Variants in SLC1A2 observed in about 807,000 individuals in gnomAD.
The protein encoded by SLC1A2 is excitatory amino acid transporter 2.
A neutral mutation model predicts 48.8 loss-of-function variants in SLC1A2; 15 were observed. The ratio of observed to expected loss-of-function variants is 0.31; its 90% confidence interval spans 0.21 to 0.47. The LOEUF (loss-of-function observed/expected upper bound fraction) is 0.47, where lower values mean the gene tolerates loss of function less well. Among genes scored for constraint, SLC1A2 ranks in the 20% least tolerant of loss-of-function variants. The probability of loss-of-function intolerance (pLI) is 0.99; values close to 1 mark genes in which losing one functional copy is unlikely to be tolerated. For synonymous variants in SLC1A2, 279 were observed against 272.6 expected (o/e 1.02, Z -0.23); for missense variants, 502 against 730.5 (o/e 0.69, Z 3.61).
At chr11:35,267,611 A>G (rs1294780515) in intron 9 of SLC1A2, among the ~76,000 whole-genome samples, 1 of 152,184 alleles carries the variant, frequency 6.6e-6, no homozygotes, top group Non-Finnish European at 1.5e-5. Context: ...TTCCTATGGC[A>G]ACGCTCCCAA....
At chr11:35,284,054 T>G (rs1262497619) in intron 8 of SLC1A2, among the ~76,000 whole-genome samples, 1 of 143,424 alleles carries the variant, frequency 7.0e-6, no homozygotes, top group Non-Finnish European at 1.5e-5. Context: ...TCCCTTATAG[T>G]ATATAATTCA....
intron 4 of SLC1A2, among the ~76,000 whole-genome samples, chr11:35,306,844 T>C (rs1178000673): frequency 6.6e-6 from 1 of 152,268 alleles, no homozygotes; most frequent in Non-Finnish European, 1.5e-5. Context: ...GTCTTATCCA[T>C]GTTGCTTCAA....
intron 1 of SLC1A2, among the ~76,000 whole-genome samples, chr11:35,370,652 C>T (rs549868075): frequency 2.0e-5 from 3 of 152,146 alleles, no homozygotes; most frequent in Admixed American, 2.0e-4. Context: ...CAGCTCCCAC[C>T]CAGAGCTAAG....
chr11:35,256,249 A>C lies in SLC1A2; in HGVS notation c.*4645T>G, dbSNP rs1231616447. 6.6e-6 allele frequency: 1 copy of C among 152,238 alleles called. No individual in the cohort carries two copies. Among genetic ancestry groups the C allele is most frequent in the Non-Finnish European group, 1.5e-5 (1 of 68,028 alleles). 9.4% of individuals were successfully genotyped at this position (152,238 alleles called of 1,614,324 possible). On this transcript the variant is annotated 3_prime_UTR_variant, in exon 11 of 11. Coordinates refer to ENST00000278379, the MANE Select transcript of SLC1A2 (RefSeq NM_004171.4). Reference sequence around the variant, plus strand: ...GCCTGAATTAGCTGTGTTATGCTACAAAGTTGGATACTATTTAATCAAGAT... The same window carrying C: ...GCCTGAATTAGCTGTGTTATGCTACCAAGTTGGATACTATTTAATCAAGAT...
intron 4 of SLC1A2, among the ~76,000 whole-genome samples, chr11:35,308,733 T>G (rs1342944305): frequency 6.6e-6 from 1 of 152,194 alleles, no homozygotes; most frequent in Non-Finnish European, 1.5e-5. Context: ...AATTTCAGCA[T>G]GAATTTTGGA....
intron 1 of SLC1A2, among the ~76,000 whole-genome samples, chr11:35,355,117 T>G (rs1293772785): frequency 6.6e-6 from 1 of 152,228 alleles, no homozygotes; most frequent in African/African-American, 2.4e-5. Context: ...TAGAGCATGA[T>G]GTAAAAATTT....
At chr11:35,376,084 AT>A (rs1248575811) in intron 1 of SLC1A2, among the ~76,000 whole-genome samples, 3 of 152,084 alleles carry the variant, frequency 2.0e-5, no homozygotes, top group Non-Finnish European at 2.9e-5. Context: ...AAAAACTCCT[AT>A]TTGTCACTGG....
In SLC1A2 at chr11:35,372,971, A is replaced by C. The variant is rs557958747; in HGVS notation, c.17+45979T>G. Among the ~76,000 whole-genome samples the C allele has an allele frequency of 1.5e-4, 23 of 152,342 alleles. No homozygotes were observed. In the South Asian group the frequency reaches 4.8e-3, roughly 32 times the overall value. On this transcript the variant is annotated intron_variant, in intron 1 of 10. Coordinates refer to ENST00000278379, the MANE Select transcript of SLC1A2 (RefSeq NM_004171.4). ...GGTAACTTGCTCGAACTTGTTTAGC[A>C]CATGGTAGTTTGGGATGCAAGCCCA... is the stretch of plus-strand genomic sequence containing the variant.
At chr11:35,411,529 C>T (rs1360420966) in intron 1 of SLC1A2, among the ~76,000 whole-genome samples, 1 of 152,148 alleles carries the variant, frequency 6.6e-6, no homozygotes, top group African/African-American at 2.4e-5. Flanking sequence ...ATAGCTAGCT[C>T]ACTGCAGCCC....
chr11:35,349,051 G>C (rs1330347240), intron 1 of SLC1A2, among the ~76,000 whole-genome samples: 2 of 152,154 alleles, frequency 1.3e-5, no homozygotes, highest in Non-Finnish European at 2.9e-5. Flanking sequence ...AGGAAATACA[G>C]AGCAAAAGCT....
intron 4 of SLC1A2, among the ~76,000 whole-genome samples, chr11:35,308,799 C>A (rs1238234320): frequency 6.6e-6 from 1 of 152,188 alleles, no homozygotes; most frequent in Admixed American, 6.5e-5. Context: ...TGTCCCTAAG[C>A]CACCATCATG....
chr11:35,271,842 T>A (rs566101944), intron 9 of SLC1A2, among the ~76,000 whole-genome samples: 2 of 152,202 alleles, frequency 1.3e-5, no homozygotes, highest in African/African-American at 4.8e-5. Flanking sequence ...GACTCCATCT[T>A]AAAAAAGAAG....
intron 7 of SLC1A2, among the ~76,000 whole-genome samples, chr11:35,288,982 T>C (rs1031584031): frequency 5.3e-5 from 8 of 152,262 alleles, no homozygotes; most frequent in Admixed American, 5.2e-4. Flanking sequence ...AGCTTTCCTG[T>C]GTGGATGGGC....
intron 1 of SLC1A2, among the ~76,000 whole-genome samples, chr11:35,355,881 T>C (rs1853441634): frequency 7.8e-6 from 1 of 128,086 alleles, no homozygotes; most frequent in African/African-American, 3.2e-5. Flanking sequence ...CAAGACTCCA[T>C]CTCATCTCAA....
intron 6 of SLC1A2, among the ~76,000 whole-genome samples, chr11:35,294,339 G>T (rs1456266184): frequency 1.3e-5 from 2 of 152,136 alleles, no homozygotes; most frequent in Admixed American, 6.5e-5. Context: ...TGGGGTGCAG[G>T]CTGGTCAAGT....
chr11:35,361,195 G>A (rs903392364), intron 1 of SLC1A2, among the ~76,000 whole-genome samples: 1 of 152,042 alleles, frequency 6.6e-6, no homozygotes, highest in Admixed American at 6.6e-5. Flanking sequence ...ATTTTAAGAT[G>A]ATGGGGGTCA....
At chr11:35,308,130 A>T (rs888799237) in intron 4 of SLC1A2, among the ~76,000 whole-genome samples, 3 of 152,328 alleles carry the variant, frequency 2.0e-5, no homozygotes, top group African/African-American at 7.2e-5. Context: ...ATACTCATGG[A>T]TCTAAATGAA....
intron 5 of SLC1A2, among the ~76,000 whole-genome samples, chr11:35,304,512 C>T (rs922770773): frequency 6.6e-6 from 1 of 152,138 alleles, no homozygotes; most frequent in Non-Finnish European, 1.5e-5. Context: ...CTCCTTCCTA[C>T]TCCTCGCTCC....
chr11:35,403,082 C>A (rs148891008), intron 1 of SLC1A2, among the ~76,000 whole-genome samples: 1,712 of 152,328 alleles, frequency 0.011, 16 homozygotes, highest in Non-Finnish European at 0.014. Context: ...TACTGCTATT[C>A]CAAGAAGAAC....
Sources: allele counts gnomAD v4.1 joint callset (sites outside exome capture counted in the v4.1 genomes callset), GRCh38; gene constraint gnomAD v4.1.1; transcripts MANE v1.5; gene names NCBI Gene and HGNC (gene_info 2026-07-23, HGNC 2026-07-21).